The following GMDS variants were observed in gnomAD, a reference collection of about 807,000 sequenced individuals.
The protein encoded by GMDS is GDP-mannose 4,6-dehydratase.
In GMDS, 20 loss-of-function variants were observed where a neutral mutation model predicts 49.9. The observed-to-expected ratio is 0.40, with a 90% CI of 0.28 to 0.58. The LOEUF (loss-of-function observed/expected upper bound fraction) is 0.58. Among genes scored for constraint, GMDS ranks in the 20% least tolerant of loss-of-function variants. GMDS has a pLI of 0.42. For synonymous variants in GMDS, 177 were observed against 178.6 expected (o/e 0.99, Z 0.07); for missense variants, 362 against 481.4 (o/e 0.75, Z 2.32).
At chr6:1,804,151 G>A (rs560788292) in intron 7 of GMDS, among the ~76,000 whole-genome samples, 101 of 152,288 alleles carry the variant, frequency 6.6e-4, no homozygotes, top group African/African-American at 2.3e-3. Context: ...AATAAGATGC[G>A]CTGTTTCCTT....
At chr6:1,985,469 A>G (rs1765490688) in intron 4 of GMDS, among the ~76,000 whole-genome samples, 1 of 152,200 alleles carries the variant, frequency 6.6e-6, no homozygotes, top group South Asian at 2.1e-4. Flanking sequence ...TACTACAGAG[A>G]ACATGAAAAT....
chr6:2,068,822 G>A (rs964953860), intron 4 of GMDS, among the ~76,000 whole-genome samples: 25 of 152,210 alleles, frequency 1.6e-4, no homozygotes, highest in South Asian at 1.5e-3. Flanking sequence ...AATCAATATC[G>A]TGAAAATGGC....
intron 4 of GMDS, among the ~76,000 whole-genome samples, chr6:2,057,506 A>G (rs1030134056): frequency 6.6e-6 from 1 of 152,166 alleles, no homozygotes; most frequent in African/African-American, 2.4e-5. Context: ...TGTAATGTTG[A>G]ATTACTCATG....
At chr6:1,788,383 A>G (rs1163875942) in intron 7 of GMDS, among the ~76,000 whole-genome samples, 3 of 152,198 alleles carry the variant, frequency 2.0e-5, no homozygotes, top group African/African-American at 7.2e-5. Context: ...GTAGCACATG[A>G]ATGGCTTAAT....
At chr6:1,649,207 C>A (rs555821724) in intron 9 of GMDS, among the ~76,000 whole-genome samples, 4 of 152,224 alleles carry the variant, frequency 2.6e-5, no homozygotes, top group African/African-American at 7.2e-5. Flanking sequence ...GATGTACTGT[C>A]AGGAAGTAAG....
At chr6:2,234,319 T>C (rs2127597183) in intron 1 of GMDS, among the ~76,000 whole-genome samples, 1 of 152,274 alleles carries the variant, frequency 6.6e-6, no homozygotes, top group Middle Eastern at 3.4e-3. Flanking sequence ...TTCTAGATAT[T>C]TCAATGATAA....
chr6:1,822,503 A>G (rs1347563779), intron 7 of GMDS, among the ~76,000 whole-genome samples: 2 of 152,218 alleles, frequency 1.3e-5, no homozygotes, highest in African/African-American at 4.8e-5. Context: ...AGTAGAAAGG[A>G]ATCGTGGAAA....
At chr6:1,914,881 C>G (rs1464292037) in intron 7 of GMDS, among the ~76,000 whole-genome samples, 1 of 152,200 alleles carries the variant, frequency 6.6e-6, no homozygotes, top group Non-Finnish European at 1.5e-5. Flanking sequence ...GCTAGGCCCT[C>G]TCTCCCACAC....
intron 7 of GMDS, among the ~76,000 whole-genome samples, chr6:1,897,776 T>G: frequency 6.6e-6 from 1 of 152,250 alleles, no homozygotes; most frequent in East Asian, 1.9e-4. Flanking sequence ...GCTACCTCTA[T>G]GTACGTACTC....
At chr6:2,222,815 G>A (rs2127590717) in intron 1 of GMDS, among the ~76,000 whole-genome samples, 1 of 152,246 alleles carries the variant, frequency 6.6e-6, no homozygotes. Context: ...ACTAGGATAT[G>A]CCAACCAGAC....
chr6:1,815,588 T>C (rs1295473912), intron 7 of GMDS, among the ~76,000 whole-genome samples: 2 of 152,218 alleles, frequency 1.3e-5, no homozygotes, highest in African/African-American at 2.4e-5. Context: ...AAATTTTTGT[T>C]TTCTCCTTTG....
intron 7 of GMDS, among the ~76,000 whole-genome samples, chr6:1,800,069 A>G (rs1246588304): frequency 6.6e-6 from 1 of 152,224 alleles, no homozygotes; most frequent in Non-Finnish European, 1.5e-5. Flanking sequence ...AGAGGAGGCC[A>G]GCCTTCCCTT....
At chr6:2,133,337 T>C (rs1304022695) in intron 1 of GMDS, among the ~76,000 whole-genome samples, 2 of 152,258 alleles carry the variant, frequency 1.3e-5, no homozygotes, top group Non-Finnish European at 2.9e-5. Flanking sequence ...ACAAATGTCC[T>C]TTTGTTTATG....
intron 9 of GMDS, among the ~76,000 whole-genome samples, chr6:1,710,241 C>A (rs1443173199): frequency 6.6e-6 from 1 of 152,176 alleles, no homozygotes; most frequent in Non-Finnish European, 1.5e-5. Context: ...CTACCCTCCA[C>A]CAGACCGGGG....
intron 9 of GMDS, among the ~76,000 whole-genome samples, chr6:1,668,483 G>A (rs1290042298): frequency 6.6e-6 from 1 of 152,204 alleles, no homozygotes. Flanking sequence ...ACCAAGGCAG[G>A]CGGATCACCT....
intron 4 of GMDS, among the ~76,000 whole-genome samples, chr6:2,066,534 AG>A: frequency 6.6e-6 from 1 of 152,216 alleles, no homozygotes; most frequent in East Asian, 1.9e-4. Context: ...TCTCATGTGC[AG>A]AGACACACAT....
intron 6 of GMDS, among the ~76,000 whole-genome samples, chr6:1,936,819 T>C (rs1762570655): frequency 6.6e-6 from 1 of 151,806 alleles, no homozygotes; most frequent in Non-Finnish European, 1.5e-5. Flanking sequence ...ATACAAAAAT[T>C]AGCCAGGTGT....
intron 7 of GMDS, among the ~76,000 whole-genome samples, chr6:1,832,580 C>T (rs922437153): frequency 6.6e-6 from 1 of 151,940 alleles, no homozygotes; most frequent in Non-Finnish European, 1.5e-5. Flanking sequence ...CTTGGCTGTT[C>T]CGGACTCACT....
intron 7 of GMDS, among the ~76,000 whole-genome samples, chr6:1,835,231 G>T (rs916743809): frequency 6.6e-6 from 1 of 152,176 alleles, no homozygotes; most frequent in Non-Finnish European, 1.5e-5. Context: ...CCCTAAGGCA[G>T]CCAGAAGAAG....
Sources: gnomAD v4.1 joint callset for allele counts (sites outside exome capture counted in the v4.1 genomes callset) on GRCh38, gnomAD v4.1.1 for gene constraint, MANE v1.5 for transcripts, NCBI Gene and HGNC (gene_info 2026-07-23, HGNC 2026-07-21) for gene names.